The following ZSCAN18 variants were observed in gnomAD, a reference collection of about 807,000 sequenced individuals.
The protein encoded by ZSCAN18 is zinc finger and SCAN domain-containing protein 18.
ZSCAN18 carries 16 observed loss-of-function variants against 31.1 expected under a neutral mutation model. The observed-to-expected ratio is 0.51, with a 90% CI of 0.35 to 0.78. The LOEUF (loss-of-function observed/expected upper bound fraction) is 0.78. ZSCAN18 is among the 30% of genes least tolerant of loss of function. The pLI is 0.01. For missense variants in ZSCAN18, 731 were observed against 697.4 expected (o/e 1.05, Z -0.54); for synonymous variants, 375 against 320.7 (o/e 1.17, Z -1.81).
chr19:58,085,289 G>C lies in ZSCAN18; in HGVS notation c.929C>G (p.Pro310Arg). The C allele has an allele frequency of 2.5e-6, 4 of 1,600,228 alleles. No individual in the cohort carries two copies. Among genetic ancestry groups the C allele is most frequent in the Non-Finnish European group, 3.4e-6 (4 of 1,177,822 alleles). ...VLPELPTEAP[P>R]GDALADPPSG... ...CGGGGGATCGGCAAGGGCGTCCCCA[G>C]GGGGCGCCTCCGTAGGCAGCTCAGG... Residue 310 changes from proline to arginine, a missense_variant, in exon 7 of 7, where the codon CCT becomes CGT. Transcript: ENST00000601144.
intron 5 of ZSCAN18, chr19:58,086,483 G>C: frequency 1.9e-6 from 1 of 525,394 alleles, no homozygotes. Flanking sequence ...GCAGGACTCA[G>C]AGAAAGCAAA....
chr19:58,085,095 C>A lies in ZSCAN18; in HGVS notation c.1123G>T (p.Glu375Ter). 1.2e-6 allele frequency: 2 copies of A among 1,605,748 alleles called. No homozygotes were observed. Among genetic ancestry groups the A allele is most frequent in the South Asian group, 2.2e-5 (2 of 90,358 alleles). ...TCGAGGCTCTGCCCGTCCCCATCCT[C>A]GGGGTGCGGCCTCTTGGTTCCCAGT... Reference protein sequence around the residue: ...AKLGTKRPHPEDGDGQSLEGV... With the variant: ...AKLGTKRPHP The change falls in exon 7 of 7, where the codon GAG becomes TAG. Residue 375 changes from glutamate to a stop codon, truncating the protein, a stop_gained. Transcript: ENST00000601144. LOFTEE classifies it low-confidence loss of function (END_TRUNC).
rs985655055 is a variant in ZSCAN18 at position 58,087,570 on chromosome 19, C to T, written c.554-166G>A. 2.3e-5 allele frequency: 14 copies of T among 620,860 alleles called. 1 individual carries two copies. Among genetic ancestry groups the T allele is most frequent in the South Asian group, 1.4e-4 (7 of 50,132 alleles). 38.5% of individuals were successfully genotyped at this position (620,860 alleles called of 1,614,324 possible). A position where few individuals can be genotyped will look rare whatever the true frequency, so the allele number is the denominator to read the frequency against. On this transcript the variant is annotated intron_variant, in intron 3 of 6. Coordinates refer to ENST00000601144, the MANE Select transcript of ZSCAN18 (RefSeq NM_001145543.2). ...CACCTTTCCCTGATTTACAAAGCAG[C>T]GCGGTGGCCACAGGGCTTGGGTGGC...
chr19:58,105,282 GT>G (rs2074626310), intron 1 of ZSCAN18, among the ~76,000 whole-genome samples: 1 of 152,312 alleles, frequency 6.6e-6, no homozygotes, highest in Admixed American at 6.5e-5. Flanking sequence ...GGAAATTAAT[GT>G]TGTTCTCGCA....
At position 58,104,426 on chromosome 19, in the gene ZSCAN18, T is replaced by G. The variant is rs542418449; in HGVS notation, c.130+13841A>C. 1.1e-4 allele frequency among the ~76,000 whole-genome samples: 17 copies of G among 148,350 alleles called. No homozygotes were observed. In the South Asian group the frequency reaches 3.6e-3, roughly 32 times the overall value. Reference sequence around the variant, plus strand: ...ACAAAAAAAAAGTCTGGGCCGGGTGTGGTGGCTCATGCCTGTAATACCAGC... The same window carrying G: ...ACAAAAAAAAAGTCTGGGCCGGGTGGGGTGGCTCATGCCTGTAATACCAGC... On this transcript the variant is annotated intron_variant, in intron 1 of 1. Coordinates refer to the ZSCAN18 transcript ENST00000595721.
intron 1 of ZSCAN18, among the ~76,000 whole-genome samples, chr19:58,103,624 C>G (rs1037127363): frequency 6.6e-6 from 1 of 152,158 alleles, no homozygotes; most frequent in Non-Finnish European, 1.5e-5. Flanking sequence ...CTCGCTGGTA[C>G]GCACTCTCTC....
intron 1 of ZSCAN18, among the ~76,000 whole-genome samples, chr19:58,097,478 C>T (rs1034882409): frequency 7.9e-5 from 12 of 151,800 alleles, no homozygotes; most frequent in African/African-American, 2.7e-4. Context: ...GCGCAGACAC[C>T]TAACTCAAAC....
At position 58,086,097 on chromosome 19, in the gene ZSCAN18, G is replaced by A. The variant is rs141937128; in HGVS notation, c.838+77C>T. On this transcript the variant is annotated intron_variant, in intron 6 of 6. Transcript: ENST00000601144. ...TGAGGTCTTTGCTGGGGCTGATGGC[G>A]CTGGGAGGGGCCCCCTCAGCCTCTG... The A allele has an allele frequency of 2.3e-4, 286 of 1,268,552 alleles. No individual in the cohort carries two copies. The Middle Eastern group carries it at 3.2e-3, about 14-fold the overall frequency. 78.6% of individuals were successfully genotyped at this position (1,268,552 alleles called of 1,614,324 possible). A position where few individuals can be genotyped will look rare whatever the true frequency, so the allele number is the denominator to read the frequency against.
At chr19:58,104,627 A>G (rs1265896653) in intron 1 of ZSCAN18, among the ~76,000 whole-genome samples, 2 of 151,692 alleles carry the variant, frequency 1.3e-5, no homozygotes, top group African/African-American at 4.9e-5. Context: ...GCTTGAACCC[A>G]GGTGGCAGAG....
At chr19:58,100,261 G>C (rs1265978402), upstream of ZSCAN18, among the ~76,000 whole-genome samples, 1 of 151,980 alleles carries the variant, frequency 6.6e-6, no homozygotes, top group Non-Finnish European at 1.5e-5. Context: ...AGTCTTTCCA[G>C]TTTATTTTAA....
chr19:58,087,687 A>C (rs978616633), intron 3 of ZSCAN18: 10 of 338,044 alleles, frequency 3.0e-5, no homozygotes, highest in Admixed American at 1.8e-4. Context: ...TTGCTCTGTC[A>C]CCTAGGCTGG....
chr19:58,116,319 T>C (rs1366523597), intron 1 of ZSCAN18, among the ~76,000 whole-genome samples: 1 of 150,552 alleles, frequency 6.6e-6, no homozygotes, highest in Non-Finnish European at 1.5e-5. Context: ...GTCACAAGGA[T>C]GGCTCTTTTT....
upstream of ZSCAN18, among the ~76,000 whole-genome samples, chr19:58,100,694 T>C (rs377684690): frequency 6.7e-6 from 1 of 148,704 alleles, no homozygotes; most frequent in East Asian, 2.0e-4. Flanking sequence ...GATCACGAGG[T>C]CAACATGGTG....
At chr19:58,096,903 A>C (rs967996418) in intron 1 of ZSCAN18, among the ~76,000 whole-genome samples, 5 of 152,048 alleles carry the variant, frequency 3.3e-5, no homozygotes, top group African/African-American at 1.2e-4. Flanking sequence ...TCCCTGATCC[A>C]CTCGCCAGGA....
Position 58,084,862 on chromosome 19 carries a change from G to C in ZSCAN18, c.1356C>G (p.Phe452Leu), listed in dbSNP as rs1390987748. 2 of 1,600,454 alleles carry C rather than the reference G, an allele frequency of 1.2e-6. No individual in the cohort carries two copies. Among genetic ancestry groups the C allele is most frequent in the Admixed American group, 1.7e-5 (1 of 58,238 alleles). ...ACQGCWKTFH[F>L]SLALAEHQKT... is the part of the protein sequence containing the mutation. ...TCTGGTGCTCGGCTAGGGCCAGGCT[G>C]AAGTGGAAGGTCTTCCAGCAGCCCT... is the stretch of plus-strand genomic sequence containing the variant. The change falls in exon 7 of 7, where the codon TTC becomes TTG. Residue 452 changes from phenylalanine (F) to leucine (L), a missense_variant. This residue lies in a region of ZSCAN18 where 597 missense variants were observed against 499.5 expected (regional missense o/e 1.20). Coordinates refer to ENST00000601144, the MANE Select transcript of ZSCAN18 (RefSeq NM_001145543.2). This position sits in a 1 kb window ranked among gnomAD's most constrained non-coding sequence, Gnocchi z 4.5.
At chr19:58,089,074 C>G (rs562739758) in intron 2 of ZSCAN18, among the ~76,000 whole-genome samples, 2 of 151,760 alleles carry the variant, frequency 1.3e-5, no homozygotes, top group Non-Finnish European at 2.9e-5. Context: ...GAGGCCGAGG[C>G]GGGCGGATCA....
rs891405212 is a variant in ZSCAN18 at position 58,112,590 on chromosome 19, G to A, written c.130+5677C>T. ...GGCGTGAACCCAGGAGGCGGAGATT[G>A]CAGTGAGCCGAGATCACACCACTGC... On this transcript the variant is annotated intron_variant, in intron 1 of 1. Coordinates refer to the ZSCAN18 transcript ENST00000595721. Among the ~76,000 whole-genome samples the A allele has an allele frequency of 5.9e-5, 9 of 151,868 alleles. No individual in the cohort carries two copies. In the South Asian group the frequency reaches 1.9e-3, roughly 32 times the overall value.
At chr19:58,108,946 C>G in intron 1 of ZSCAN18, 2 of 1,091,294 alleles carry the variant, frequency 1.8e-6, no homozygotes, top group Non-Finnish European at 2.2e-6. Flanking sequence ...ACCGTTAGAG[C>G]CTTTCTGACA....
intron 3 of ZSCAN18, 194 bp downstream of exon 3, chr19:58,088,494 G>T: frequency 1.7e-6 from 1 of 572,428 alleles, no homozygotes; most frequent in Non-Finnish European, 3.1e-6. Context: ...TGGATGATCT[G>T]CATAATCTCT....
Sources: gnomAD v4.1 joint callset for allele counts (sites outside exome capture counted in the v4.1 genomes callset) on GRCh38, gnomAD v4.1.1 for gene constraint, gnomAD v4.1.1 regional missense constraint, Gnocchi (gnomAD v3.1) non-coding constraint, MANE v1.5 for transcripts, NCBI Gene and HGNC (gene_info 2026-07-23, HGNC 2026-07-21) for gene names.